TNIK: variants seen among roughly 807,000 people sequenced by gnomAD.
The protein encoded by TNIK is TRAF2 and NCK interacting kinase.
TNIK carries 49 observed loss-of-function variants against 191.3 expected under a neutral mutation model. That is an observed-to-expected ratio of 0.26 (90% CI 0.20 to 0.32). The LOEUF is 0.32. TNIK is among the 10% of genes least tolerant of loss of function. The probability of loss-of-function intolerance (pLI) is 1.00; values close to 1 mark genes in which losing one functional copy is unlikely to be tolerated. For synonymous variants in TNIK, 594 were observed against 600.9 expected (o/e 0.99, Z 0.17); for missense variants, 1,155 against 1,702.3 (o/e 0.68, Z 5.66).
intron 28 of TNIK, among the ~76,000 whole-genome samples, chr3:171,078,596 CCTT>C (rs1720291491): frequency 6.6e-6 from 1 of 152,004 alleles, no homozygotes; most frequent in Non-Finnish European, 1.5e-5. Context: ...TTCTTCCACT[CCTT>C]ATTATCCCTG....
intron 1 of TNIK, among the ~76,000 whole-genome samples, chr3:171,425,470 T>TA (rs1353959478): frequency 1.3e-5 from 2 of 152,296 alleles, no homozygotes; most frequent in Middle Eastern, 3.4e-3. Flanking sequence ...ATCCCCACAA[T>TA]AATTTTTTCC....
At chr3:171,080,249 ATATT>A (rs1488086622) in intron 27 of TNIK, among the ~76,000 whole-genome samples, 3 of 152,226 alleles carry the variant, frequency 2.0e-5, no homozygotes, top group Non-Finnish European at 2.9e-5. Flanking sequence ...GGATGATAAA[ATATT>A]TAGACAATAT....
At chr3:171,065,942 C>A (rs186864788) in intron 32 of TNIK, among the ~76,000 whole-genome samples, 2 of 152,228 alleles carry the variant, frequency 1.3e-5, no homozygotes, top group Admixed American at 1.3e-4. Context: ...CATCAAAAGG[C>A]CTTTAGGCCA....
chr3:171,329,591 G>A (rs907698169), intron 2 of TNIK, among the ~76,000 whole-genome samples: 9 of 152,132 alleles, frequency 5.9e-5, no homozygotes, highest in Admixed American at 2.0e-4. Flanking sequence ...AGCACATAGT[G>A]TGCCCCACTG....
At chr3:171,122,157 A>G (rs1262170773) in intron 18 of TNIK, among the ~76,000 whole-genome samples, 1 of 152,244 alleles carries the variant, frequency 6.6e-6, no homozygotes, top group Non-Finnish European at 1.5e-5. Context: ...TATGATGGTA[A>G]TTCTCTTTTT....
Position 171,369,728 on chromosome 3 carries a change from C to A in TNIK, c.58-43G>T. The A allele has an allele frequency of 2.0e-6, 3 of 1,471,270 alleles. No homozygotes were observed. The South Asian group carries it at 3.7e-5, about 18-fold the overall frequency. 91.1% of individuals were successfully genotyped at this position (1,471,270 alleles called of 1,614,324 possible). A position where few individuals can be genotyped will look rare whatever the true frequency, so the allele number is the denominator to read the frequency against. On this transcript the variant is annotated intron_variant, in intron 1 of 32. Coordinates refer to ENST00000436636, the MANE Select transcript of TNIK (RefSeq NM_015028.4). ...AACAATAAAAATTCAAAACAATATT[C>A]CAGGCATTGCCTTAATCAAAAGCAA...
At chr3:171,380,059 G>A (rs893602964) in intron 1 of TNIK, among the ~76,000 whole-genome samples, 11 of 147,466 alleles carry the variant, frequency 7.5e-5, no homozygotes, top group Admixed American at 6.1e-4. Flanking sequence ...ACACACACAC[G>A]CAAGTTGCTT....
chr3:171,373,282 C>A (rs1412671453), intron 1 of TNIK, among the ~76,000 whole-genome samples: 3 of 88,906 alleles, frequency 3.4e-5, no homozygotes, highest in African/African-American at 1.2e-4. Flanking sequence ...AGCATCACTA[C>A]TCCTGTTGAA....
At chr3:171,305,944 A>G (rs931202500) in intron 2 of TNIK, among the ~76,000 whole-genome samples, 5 of 152,228 alleles carry the variant, frequency 3.3e-5, no homozygotes, top group African/African-American at 1.2e-4. Flanking sequence ...TATTCACAAT[A>G]GCAAAGACAT....
intron 2 of TNIK, among the ~76,000 whole-genome samples, chr3:171,342,403 C>T (rs887521690): frequency 5.3e-5 from 8 of 152,200 alleles, no homozygotes; most frequent in Admixed American, 1.3e-4. Flanking sequence ...AGTAGGAATA[C>T]GTGTTCTCCA....
At chr3:171,293,467 C>T (rs964285641) in intron 2 of TNIK, among the ~76,000 whole-genome samples, 2 of 152,180 alleles carry the variant, frequency 1.3e-5, no homozygotes, top group African/African-American at 4.8e-5. Flanking sequence ...CATGGAATCA[C>T]ATAACTATGG....
chr3:171,372,423 A>T (rs1212247054), intron 1 of TNIK, among the ~76,000 whole-genome samples: 2 of 152,196 alleles, frequency 1.3e-5, no homozygotes, highest in Non-Finnish European at 2.9e-5. Flanking sequence ...ATACTGTGTG[A>T]GTTTATTGGG....
rs1162195155 is a variant in TNIK, at chr3:171,066,325, G to T, written c.3861C>A (p.Ala1287=). 1.2e-6 allele frequency: 2 copies of T among 1,613,758 alleles called. No individual in the cohort carries two copies. Among genetic ancestry groups the T allele is most frequent in the South Asian group, 2.2e-5 (2 of 91,052 alleles). Residue 1287 remains alanine, a splice_region_variant and synonymous_variant, in exon 32 of 33, where the codon GCC becomes GCA. Transcript: ENST00000436636. ...CCATTATCTGATTGGAATGAATGTA[G>T]GCTGTCAAAAGGAATTTCCAAAACT... ...LQWGEMPTSV[A]YIHSNQIMGW... is the part of the protein sequence containing the mutation.
intron 32 of TNIK, 25 bp from the exon 33 acceptor site, chr3:171,063,989 GT>G (rs1345804150): frequency 6.2e-7 from 1 of 1,606,462 alleles, no homozygotes; most frequent in Non-Finnish European, 8.5e-7. Context: ...AAAGAAGTTA[GT>G]TCAACTGCAT....
chr3:171,307,951 G>A (rs1054414651), intron 2 of TNIK, among the ~76,000 whole-genome samples: 1 of 151,992 alleles, frequency 6.6e-6, no homozygotes, highest in Non-Finnish European at 1.5e-5. Flanking sequence ...TCTTGTACTT[G>A]AAAAATCTAT....
intron 2 of TNIK, among the ~76,000 whole-genome samples, chr3:171,332,894 T>C (rs1160886451): frequency 6.6e-6 from 1 of 152,200 alleles, no homozygotes; most frequent in Non-Finnish European, 1.5e-5. Context: ...GCTGACCCTA[T>C]AAGTTACTTG....
At chr3:171,100,857 G>A (rs551115819) in intron 22 of TNIK, among the ~76,000 whole-genome samples, 46 of 152,028 alleles carry the variant, frequency 3.0e-4, no homozygotes, top group African/African-American at 1.1e-3. Flanking sequence ...ACAGTATGTG[G>A]CAAAGACACA....
intron 18 of TNIK, among the ~76,000 whole-genome samples, chr3:171,112,515 A>G (rs1381594986): frequency 6.6e-6 from 1 of 152,220 alleles, no homozygotes; most frequent in Non-Finnish European, 1.5e-5. Flanking sequence ...AAAATAAGGA[A>G]GGAACACACA....
intron 1 of TNIK, among the ~76,000 whole-genome samples, chr3:171,385,501 T>A (rs757585947): frequency 1.3e-5 from 2 of 152,110 alleles, no homozygotes; most frequent in Non-Finnish European, 2.9e-5. Context: ...TTGGGATCTC[T>A]GCTCTAACAA....
Sources: allele counts gnomAD v4.1 joint callset (sites outside exome capture counted in the v4.1 genomes callset), GRCh38; gene constraint gnomAD v4.1.1; transcripts MANE v1.5; gene names NCBI Gene and HGNC (gene_info 2026-07-23, HGNC 2026-07-21).